STPG2: variants seen among roughly 807,000 people sequenced by gnomAD.
STPG2 encodes the protein sperm tail PG-rich repeat containing 2.
In STPG2, 56 loss-of-function variants were observed where a neutral mutation model predicts 54.2. The ratio of observed to expected loss-of-function variants is 1.03; its 90% CI spans 0.83 to 1.29. The LOEUF is 1.29. Ranked by LOEUF, STPG2 falls within the 50% of genes most tolerant of loss-of-function variation. The probability of loss-of-function intolerance (pLI) is 0.00; values close to 1 mark genes in which losing one functional copy is unlikely to be tolerated. For missense variants in STPG2, 596 were observed against 544.9 expected, an observed-to-expected ratio of 1.09 and a Z score of -0.93; for synonymous variants, 200 against 181.8, an observed-to-expected ratio of 1.10 and a Z score of -0.81.
At position 98,143,122 on chromosome 4, in the gene STPG2, T is replaced by C. The variant is rs747525997; in HGVS notation, c.29A>G (p.Lys10Arg). 1 of 1,613,876 alleles carries C rather than the reference T, an allele frequency of 6.2e-7. No individual in the cohort carries two copies. Among genetic ancestry groups the C allele is most frequent in the Non-Finnish European group, 8.5e-7 (1 of 1,179,902 alleles). Residue 10 changes from lysine (K) to arginine (R), a missense_variant, in exon 1 of 11, where the codon AAA (lysine) becomes AGA (arginine). Lys to Arg is a conservative substitution (Grantham distance 26). Coordinates refer to ENST00000295268, the MANE Select transcript of STPG2 (RefSeq NM_174952.3). ...CTCAGTGCTGCCACCTTCAGCCAAT[T>C]TGAGCAGGCGGGGAGCCCGATCATA... MYDRAPRLL[K>R]LAEGGSTEAH...
chr4:97,995,449 G>T (rs1474794619), intron 5 of STPG2, among the ~76,000 whole-genome samples: 1 of 152,174 alleles, frequency 6.6e-6, no homozygotes, highest in Non-Finnish European at 1.5e-5. Context: ...CTGCAAGTTA[G>T]TCCTGCCTCC....
intron 8 of STPG2, among the ~76,000 whole-genome samples, chr4:97,861,404 T>G (rs377565846): frequency 2.0e-5 from 3 of 152,090 alleles, no homozygotes; most frequent in African/African-American, 7.2e-5. Context: ...GGAATGTAAA[T>G]TAGTACAACC....
chr4:98,062,225 G>A (rs559513101), intron 5 of STPG2, among the ~76,000 whole-genome samples: 116 of 151,462 alleles, frequency 7.7e-4, no homozygotes, highest in Middle Eastern at 6.8e-3. Context: ...GTGTTCTCAC[G>A]TATAAGTGGG....
chr4:98,136,448 T>C (rs1315105754), intron 1 of STPG2, among the ~76,000 whole-genome samples: 1 of 151,658 alleles, frequency 6.6e-6, no homozygotes, highest in African/African-American at 2.4e-5. Flanking sequence ...AAAGACTATT[T>C]TATAATAAAA....
chr4:97,925,942 C>T (rs553136815), intron 8 of STPG2, among the ~76,000 whole-genome samples: 31 of 152,242 alleles, frequency 2.0e-4, no homozygotes, highest in Non-Finnish European at 3.7e-4. Flanking sequence ...GGCTTAATGA[C>T]GGTGGCATTT....
intron 7 of STPG2, among the ~76,000 whole-genome samples, chr4:97,969,200 A>G (rs1157343065): frequency 4.6e-5 from 7 of 152,302 alleles, no homozygotes; most frequent in African/African-American, 1.7e-4. Context: ...TTTTGCTGCA[A>G]CTGTTACTGC....
At chr4:97,906,459 C>A (rs189698133) in intron 8 of STPG2, among the ~76,000 whole-genome samples, 11 of 152,300 alleles carry the variant, frequency 7.2e-5, no homozygotes, top group African/African-American at 2.4e-4. Flanking sequence ...TGGTACCATT[C>A]CTTCTGAAAC....
intron 9 of STPG2, among the ~76,000 whole-genome samples, chr4:97,786,708 T>G (rs1156735391): frequency 6.6e-6 from 1 of 152,118 alleles, no homozygotes; most frequent in African/African-American, 2.4e-5. Flanking sequence ...GCATTCATGC[T>G]ATACAGGCTA....
chr4:97,699,021 G>A (rs987464560), intron 10 of STPG2, among the ~76,000 whole-genome samples: 1 of 152,206 alleles, frequency 6.6e-6, no homozygotes, highest in Non-Finnish European at 1.5e-5. Flanking sequence ...CACATATCCA[G>A]AGTAAGTGTC....
intron 4 of STPG2, among the ~76,000 whole-genome samples, chr4:97,474,257 T>C (rs1730017306): frequency 6.6e-6 from 1 of 151,644 alleles, no homozygotes; most frequent in African/African-American, 2.4e-5. Flanking sequence ...GAAAATAAAA[T>C]GTATTAATGG....
chr4:98,011,326 T>C (rs1477642736), intron 5 of STPG2, among the ~76,000 whole-genome samples: 1 of 152,216 alleles, frequency 6.6e-6, no homozygotes, highest in East Asian at 1.9e-4. Context: ...TTCCATGGTG[T>C]ATATGTGCCA....
chr4:98,141,942 G>GAAAAAAA (rs3974892), intron 1 of STPG2, among the ~76,000 whole-genome samples: 2,135 of 96,728 alleles, frequency 0.022, 93 homozygotes, highest in African/African-American at 0.083. Flanking sequence ...CAGTAGTTGG[G>GAAAAAAA]AAAAAAAAAA....
At chr4:97,709,863 T>A (rs529484477) in intron 10 of STPG2, among the ~76,000 whole-genome samples, 1 of 151,986 alleles carries the variant, frequency 6.6e-6, no homozygotes, top group South Asian at 2.1e-4. Flanking sequence ...GAGAACTAAG[T>A]CAATGAGGAA....
At chr4:98,031,909 C>T (rs1411475582) in intron 5 of STPG2, among the ~76,000 whole-genome samples, 2 of 151,886 alleles carry the variant, frequency 1.3e-5, no homozygotes, top group Non-Finnish European at 2.9e-5. Flanking sequence ...GGGCTAAGGA[C>T]ATGAATAGAA....
At position 98,109,178 on chromosome 4, in the gene STPG2, TA is replaced by T; in HGVS notation, c.500+14del. On this transcript the variant is annotated intron_variant, in intron 4 of 10. Transcript: ENST00000295268. ...CAAGAGCTACATTAAAGGTATACTA[TA>T]TTTTTTTACTTACTGGACTATATCA... The T allele has an allele frequency of 1.1e-5, 16 of 1,462,484 alleles. No individual in the cohort carries two copies. Among genetic ancestry groups the T allele is most frequent in the Non-Finnish European group, 1.5e-5 (16 of 1,071,002 alleles). The allele number at this position is 1,462,484 out of a possible 1,614,324, so 90.6% of individuals were successfully genotyped here.
intron 10 of STPG2, among the ~76,000 whole-genome samples, chr4:97,673,460 T>C (rs1323948098): frequency 1.3e-5 from 2 of 152,186 alleles, no homozygotes; most frequent in Admixed American, 6.5e-5. Flanking sequence ...TAAACATATA[T>C]TTAACAAATA....
intron 10 of STPG2, among the ~76,000 whole-genome samples, chr4:97,632,115 T>C (rs1721304916): frequency 6.6e-6 from 1 of 152,078 alleles, no homozygotes. Context: ...CTCTCTTTCC[T>C]TATTGATACC....
intron 8 of STPG2, among the ~76,000 whole-genome samples, chr4:97,896,800 A>G (rs1730971625): frequency 6.6e-6 from 1 of 151,948 alleles, no homozygotes; most frequent in Admixed American, 6.6e-5. Context: ...ACAAAAAAAG[A>G]TATTTTCACA....
Position 97,480,050 on chromosome 4 carries a change from C to T in STPG2, c.462+232649G>A, listed in dbSNP as rs184622189. On this transcript the variant is annotated intron_variant, in intron 4 of 4. Coordinates refer to the STPG2 transcript ENST00000522676. The stretch of plus-strand genomic sequence containing the variant: ...AATGAAACTGGTTCTTTGAAAAGAT[C>T]AGTATAACTGACAAACTTCAAAATG... Among the ~76,000 whole-genome samples, 636 of 151,618 alleles carry T rather than the reference C, an allele frequency of 4.2e-3. 3 individuals carry two copies. Among genetic ancestry groups the T allele is most frequent in the South Asian group, 0.02 (98 of 4,826 alleles).
Sources: allele counts gnomAD v4.1 joint callset (sites outside exome capture counted in the v4.1 genomes callset), GRCh38; gene constraint gnomAD v4.1.1; transcripts MANE v1.5; gene names NCBI Gene and HGNC (gene_info 2026-07-23, HGNC 2026-07-21).